Variants in ADGRL4 observed in about 807,000 individuals in gnomAD.
ADGRL4 encodes EGF, latrophilin and seven transmembrane domain containing 1.
In ADGRL4, 90 loss-of-function variants were observed where a neutral mutation model predicts 74.8. The ratio of observed to expected loss-of-function variants is 1.20; its 90% CI spans 1.02 to 1.43. The LOEUF is 1.43. ADGRL4 is among the 40% of genes most tolerant of loss of function. ADGRL4 has a pLI of 0.00. For missense variants in ADGRL4, 881 were observed against 814.3 expected (o/e 1.08, Z -1.00); for synonymous variants, 311 against 279.2 (o/e 1.11, Z -1.14).
At chr1:78,935,429 T>A (rs1649331806) in intron 7 of ADGRL4, among the ~76,000 whole-genome samples, 1 of 150,870 alleles carries the variant, frequency 6.6e-6, no homozygotes, top group Admixed American at 6.6e-5. Context: ...GGGAGGGAAC[T>A]TAGAGGACTG....
chr1:79,000,154 T>A (rs1650812569), intron 2 of ADGRL4, among the ~76,000 whole-genome samples: 1 of 152,160 alleles, frequency 6.6e-6, no homozygotes, highest in African/African-American at 2.4e-5. Flanking sequence ...ATTCAATGAA[T>A]CCATCTAGAT....
At chr1:79,003,417 GT>G in intron 2 of ADGRL4, among the ~76,000 whole-genome samples, 1 of 151,540 alleles carries the variant, frequency 6.6e-6, no homozygotes, top group East Asian at 1.9e-4. Flanking sequence ...GGGAATTTAA[GT>G]TTAACATGAA....
intron 13 of ADGRL4, among the ~76,000 whole-genome samples, chr1:78,892,880 G>T (rs937309447): frequency 6.6e-6 from 1 of 151,954 alleles, no homozygotes; most frequent in African/African-American, 2.4e-5. Context: ...CCCTTTCAAA[G>T]GGGTGTATGT....
chr1:78,907,293 G>T (rs1315715464), intron 12 of ADGRL4, among the ~76,000 whole-genome samples: 1 of 152,094 alleles, frequency 6.6e-6, no homozygotes, highest in Middle Eastern at 3.4e-3. Context: ...ATAATCTTAT[G>T]TCCGTGATGA....
chr1:78,965,472 A>C (rs770203575), intron 2 of ADGRL4, among the ~76,000 whole-genome samples: 30 of 152,270 alleles, frequency 2.0e-4, no homozygotes, highest in Admixed American at 1.3e-3. Flanking sequence ...GTGTTAATTT[A>C]AAAAAAGAAA....
At chr1:78,993,853 A>G (rs554097578) in intron 2 of ADGRL4, among the ~76,000 whole-genome samples, 7 of 152,254 alleles carry the variant, frequency 4.6e-5, no homozygotes, top group Middle Eastern at 3.4e-3. Flanking sequence ...GATTACAGGC[A>G]TGAGACACCG....
intron 12 of ADGRL4, among the ~76,000 whole-genome samples, chr1:78,913,782 TAAATA>T (rs1161247920): frequency 6.6e-6 from 1 of 151,758 alleles, no homozygotes; most frequent in Non-Finnish European, 1.5e-5. Context: ...AAATAAAAGT[TAAATA>T]AAATAAAACA....
intron 2 of ADGRL4, 72 bp from the exon 3 acceptor site, chr1:78,946,498 TTTGG>T: frequency 1.5e-6 from 2 of 1,305,378 alleles, no homozygotes; most frequent in Non-Finnish European, 1.1e-6. Flanking sequence ...CCATCAGTAT[TTTGG>T]AATATTGACT....
chr1:78,950,740 G>T (rs1311537062), intron 2 of ADGRL4, among the ~76,000 whole-genome samples: 1 of 152,104 alleles, frequency 6.6e-6, no homozygotes, highest in Admixed American at 6.6e-5. Flanking sequence ...TAAAATATCA[G>T]TGGGGCTTGG....
At chr1:78,973,480 A>T (rs1650211109) in intron 2 of ADGRL4, among the ~76,000 whole-genome samples, 1 of 151,646 alleles carries the variant, frequency 6.6e-6, no homozygotes. Flanking sequence ...TTTATGAGCA[A>T]GTATGATACA....
intron 2 of ADGRL4, among the ~76,000 whole-genome samples, chr1:78,976,327 CACAA>C (rs1403376316): frequency 6.6e-6 from 1 of 151,822 alleles, no homozygotes; most frequent in African/African-American, 2.4e-5. Context: ...CTTCTGTTCT[CACAA>C]ACAAGATGGA....
At chr1:78,908,176 A>T (rs896264796) in intron 12 of ADGRL4, among the ~76,000 whole-genome samples, 1 of 151,970 alleles carries the variant, frequency 6.6e-6, no homozygotes, top group African/African-American at 2.4e-5. Context: ...ACTAAGAAAG[A>T]CTGATTCAAA....
chr1:78,971,234 A>ACCTTAT (rs139501746), intron 2 of ADGRL4, among the ~76,000 whole-genome samples: 1,831 of 152,194 alleles, frequency 0.012, 39 homozygotes, highest in African/African-American at 0.041. Flanking sequence ...TAGGTCTTTG[A>ACCTTAT]CCTTATCCTT....
intron 12 of ADGRL4, among the ~76,000 whole-genome samples, chr1:78,897,016 C>T (rs1648413203): frequency 1.3e-5 from 2 of 152,144 alleles, no homozygotes; most frequent in South Asian, 4.1e-4. Flanking sequence ...ATCTTGCCTA[C>T]ATACTCCCTG....
chr1:78,979,666 T>G (rs1650361346), intron 2 of ADGRL4, among the ~76,000 whole-genome samples: 1 of 151,712 alleles, frequency 6.6e-6, no homozygotes, highest in Non-Finnish European at 1.5e-5. Context: ...CATCAGCCAA[T>G]GAGTGGATAA....
chr1:78,890,074 T>C lies in ADGRL4; in HGVS notation c.*1080A>G, dbSNP rs1234536184. On this transcript the variant is annotated 3_prime_UTR_variant, in exon 15 of 15. Transcript: ENST00000370742. ...CTTTGTTAACAATAACAATTTTAAATGTGTTTACACATTGTTAACAATAAC... is the reference window on the plus strand; with the variant it reads ...CTTTGTTAACAATAACAATTTTAAACGTGTTTACACATTGTTAACAATAAC... 2 of 179,732 alleles carry C rather than the reference T, an allele frequency of 1.1e-5. No individual in the cohort carries two copies. The highest frequency in any genetic ancestry group is 2.5e-5 in the Non-Finnish European group (2 of 79,736). The allele number at this position is 179,732 out of a possible 1,614,324, so 11.1% of individuals were successfully genotyped here.
chr1:78,930,710 A>G (rs1196991338), intron 7 of ADGRL4, among the ~76,000 whole-genome samples: 2 of 151,088 alleles, frequency 1.3e-5, no homozygotes, highest in African/African-American at 2.5e-5. Context: ...TGGACTCACA[A>G]AGTGTTGGGA....
At chr1:78,911,720 A>G (rs1428015945) in intron 12 of ADGRL4, among the ~76,000 whole-genome samples, 1 of 151,842 alleles carries the variant, frequency 6.6e-6, no homozygotes, top group Non-Finnish European at 1.5e-5. Flanking sequence ...TTTTTATTTA[A>G]TTTTAATACA....
At chr1:79,002,447 G>C (rs1650863382) in intron 2 of ADGRL4, among the ~76,000 whole-genome samples, 1 of 152,058 alleles carries the variant, frequency 6.6e-6, no homozygotes, top group Admixed American at 6.6e-5. Flanking sequence ...TTTCATGCCA[G>C]ATATATATCA....
Sources: gnomAD v4.1 joint callset for allele counts (sites outside exome capture counted in the v4.1 genomes callset) on GRCh38, gnomAD v4.1.1 for gene constraint, MANE v1.5 for transcripts, NCBI Gene and HGNC (gene_info 2026-07-23, HGNC 2026-07-21) for gene names.